MYO9B: variants seen among roughly 807,000 people sequenced by gnomAD.
MYO9B encodes myosin IXB, also known as unconventional myosin-IXb.
A neutral mutation model predicts 229.5 loss-of-function variants in MYO9B; 71 were observed. The observed-to-expected ratio is 0.31, with a 90% CI of 0.26 to 0.38. The LOEUF (loss-of-function observed/expected upper bound fraction) is 0.38. MYO9B is among the 10% of genes least tolerant of loss of function. MYO9B has a pLI of 1.00. For synonymous variants in MYO9B, 1,185 were observed against 1,235.8 expected (o/e 0.96, Z 0.86); for missense variants, 2,255 against 2,920.5 (o/e 0.77, Z 5.25).
chr19:17,111,883 T>C (rs546086465), intron 2 of MYO9B, among the ~76,000 whole-genome samples: 28 of 152,352 alleles, frequency 1.8e-4, no homozygotes, highest in African/African-American at 5.8e-4. Context: ...TCTCACACTC[T>C]GTGGCCTTTT....
Position 17,124,077 on chromosome 19 carries a change from C to T in MYO9B, c.841-21320C>T, listed in dbSNP as rs945126203. ...CTAATTTTTGTATTGTTTGTAGAGA[C>T]GGGGTCTCACTATGTTGCCCAGGGT... On this transcript the variant is annotated intron_variant, in intron 2 of 39. Transcript: ENST00000682292. Among the ~76,000 whole-genome samples the T allele has an allele frequency of 9.9e-5, 15 of 151,952 alleles. No individual in the cohort carries two copies. The East Asian group carries it at 2.9e-3, about 30-fold the overall frequency.
At chr19:17,125,722 GCT>G (rs949906290) in intron 2 of MYO9B, among the ~76,000 whole-genome samples, 24 of 152,288 alleles carry the variant, frequency 1.6e-4, no homozygotes, top group Middle Eastern at 3.4e-3. Context: ...GGAGCACTCA[GCT>G]CTCTGTACAT....
intron 1 of MYO9B, among the ~76,000 whole-genome samples, chr19:17,088,392 G>A (rs971206606): frequency 2.6e-5 from 4 of 152,286 alleles, no homozygotes; most frequent in South Asian, 2.1e-4. Flanking sequence ...TCTGAGGTTC[G>A]CGGTAAGCAT....
intron 7 of MYO9B, chr19:17,157,298 T>A: frequency 2.6e-6 from 1 of 388,204 alleles, no homozygotes. Flanking sequence ...GTCTCACCTG[T>A]AATCCCAGTA....
At chr19:17,181,941 A>C (rs2072866009) in intron 15 of MYO9B, among the ~76,000 whole-genome samples, 1 of 151,708 alleles carries the variant, frequency 6.6e-6, no homozygotes, top group South Asian at 2.1e-4. Flanking sequence ...ACTTCCAGCT[A>C]ATTTTTTGTA....
intron 10 of MYO9B, among the ~76,000 whole-genome samples, chr19:17,166,529 T>TA (rs1452095658): frequency 4.6e-5 from 7 of 151,922 alleles, no homozygotes; most frequent in Non-Finnish European, 8.8e-5. Flanking sequence ...AGTTCAGGGG[T>TA]ACATGTGCAG....
At chr19:17,087,076 T>TGCCAGCCTG (rs1452998045) in intron 1 of MYO9B, among the ~76,000 whole-genome samples, 2 of 152,138 alleles carry the variant, frequency 1.3e-5, no homozygotes, top group African/African-American at 4.8e-5. Context: ...CTCTCTCCTG[T>TGCCAGCCTG]GCCCAGCATC....
intron 2 of MYO9B, among the ~76,000 whole-genome samples, chr19:17,118,758 A>G (rs575201745): frequency 6.6e-6 from 1 of 152,214 alleles, no homozygotes; most frequent in East Asian, 1.9e-4. Flanking sequence ...CACGCCTGGG[A>G]TCACAGGCGT....
At chr19:17,184,344 A>G (rs1254432379) in intron 16 of MYO9B, among the ~76,000 whole-genome samples, 1 of 152,190 alleles carries the variant, frequency 6.6e-6, no homozygotes, top group Non-Finnish European at 1.5e-5. Flanking sequence ...GTTTCCACAT[A>G]CAAGTGCAGC....
chr19:17,098,933 CA>C (rs1216087632), intron 1 of MYO9B, among the ~76,000 whole-genome samples: 785 of 65,624 alleles, frequency 0.012, 12 homozygotes, highest in African/African-American at 0.044. Context: ...AAGACCCTGA[CA>C]AAAAAAAAAA....
chr19:17,169,660 C>G lies in MYO9B; in HGVS notation c.1793+1596C>G, dbSNP rs565163039. On this transcript the variant is annotated intron_variant, in intron 11 of 39. Transcript: ENST00000682292. ...GCCTCCAGAGGCTCCAAGGGAGGACCCTTTCTTGCCTCCTCCAGCTTCTAG... is the reference window on the plus strand; with the variant it reads ...GCCTCCAGAGGCTCCAAGGGAGGACGCTTTCTTGCCTCCTCCAGCTTCTAG... Among the ~76,000 whole-genome samples the G allele has an allele frequency of 4.6e-4, 70 of 152,062 alleles. 1 individual carries two copies. The highest frequency in any genetic ancestry group is 1.8e-4 in the Non-Finnish European group (12 of 68,014).
intron 2 of MYO9B, among the ~76,000 whole-genome samples, chr19:17,113,128 G>A (rs2057864770): frequency 6.6e-6 from 1 of 152,228 alleles, no homozygotes; most frequent in Admixed American, 6.5e-5. Context: ...CCACTGGCTT[G>A]AGTTGTGTCT....
intron 2 of MYO9B, among the ~76,000 whole-genome samples, chr19:17,111,114 C>T (rs1228435752): frequency 2.0e-5 from 3 of 152,214 alleles, no homozygotes; most frequent in Non-Finnish European, 4.4e-5. Context: ...GTCCTTTCCC[C>T]CTGAGTCTGT....
intron 5 of MYO9B, 107 bp downstream of exon 5, chr19:17,154,173 G>T: frequency 9.1e-6 from 12 of 1,324,334 alleles, no homozygotes; most frequent in Non-Finnish European, 1.1e-5. Flanking sequence ...CCCCGAACCC[G>T]CTCCCAGAAG....
intron 15 of MYO9B, 154 bp from the exon 16 acceptor site, chr19:17,183,675 A>T (rs1049192204): frequency 3.1e-5 from 19 of 621,944 alleles, no homozygotes; most frequent in Non-Finnish European, 1.1e-5. Flanking sequence ...CAGCGTGGAG[A>T]GGTGGCGGTG....
intron 3 of MYO9B, among the ~76,000 whole-genome samples, chr19:17,145,853 A>C (rs2072402598): frequency 6.6e-6 from 1 of 152,182 alleles, no homozygotes; most frequent in African/African-American, 2.4e-5. Context: ...TTTAGCCAGA[A>C]AATGACAGGT....
intron 28 of MYO9B, 29 bp from the exon 29 acceptor site, chr19:17,202,813 C>A: frequency 6.4e-7 from 1 of 1,572,218 alleles, no homozygotes; most frequent in South Asian, 1.2e-5. Flanking sequence ...GGGGGGCCCC[C>A]GCCAACCTCC....
At position 17,206,713 on chromosome 19, in the gene MYO9B, C is replaced by A. The variant is rs780701466; in HGVS notation, c.5421C>A (p.Ile1807=). 3.2e-6 allele frequency: 5 copies of A among 1,586,772 alleles called. No homozygotes were observed. In the Admixed American group the frequency reaches 9.0e-5, roughly 28 times the overall value. ...AGAAGCAGGAGCAGCTGGCTGCCAT[C>A]TATGCCGTCCTGGAGCACCTTCCAG... ...LPEKQEQLAA[I]YAVLEHLPEA... The change falls in exon 34 of 40, where the codon ATC becomes ATA. Residue 1807 remains isoleucine (I), a synonymous_variant. Transcript: ENST00000682292.
rs570386608 is a variant in MYO9B at position 17,101,856 on chromosome 19, G to A, written c.139G>A (p.Val47Ile). ...CACCAAGGACAGCACCACCTCGGAC[G>A]TCATCAAGGACGCCATTGCCAGCCT... is the stretch of plus-strand genomic sequence containing the variant. ...TATKDSTTSD[V>I]IKDAIASLRL... Residue 47 changes from valine to isoleucine, a missense_variant, in exon 2 of 40, where the codon GTC becomes ATC. Transcript: ENST00000682292. This position sits in a 1 kb window ranked among gnomAD's most constrained non-coding sequence, Gnocchi z 4.7. 3.3e-5 allele frequency: 54 copies of A among 1,612,586 alleles called. No individual in the cohort carries two copies. In the East Asian group the frequency reaches 7.4e-4, roughly 22 times the overall value.
Sources: allele counts gnomAD v4.1 joint callset (sites outside exome capture counted in the v4.1 genomes callset), GRCh38; gene constraint gnomAD v4.1.1; non-coding constraint Gnocchi (gnomAD v3.1); transcripts MANE v1.5; gene names NCBI Gene and HGNC (gene_info 2026-07-23, HGNC 2026-07-21).